SEPTIN6: variants seen among roughly 807,000 people sequenced by gnomAD.
The protein encoded by SEPTIN6 is septin-6.
A neutral mutation model predicts 33.6 loss-of-function variants in SEPTIN6; 8 were observed. The ratio of observed to expected loss-of-function variants is 0.24; its 90% CI spans 0.14 to 0.43. The LOEUF (loss-of-function observed/expected upper bound fraction) is 0.43, where lower values mean the gene tolerates loss of function less well. SEPTIN6 is among the 20% of genes least tolerant of loss of function. The pLI, the probability that SEPTIN6 is intolerant of heterozygous loss-of-function variation, is 1.00. For missense variants in SEPTIN6, 250 were observed against 340.8 expected, an observed-to-expected ratio of 0.73 and a Z score of 2.10; for synonymous variants, 131 against 140.0, an observed-to-expected ratio of 0.94 and a Z score of 0.45.
chrX:119,648,197 T>C (rs2054298811), intron 5 of SEPTIN6, among the ~76,000 whole-genome samples: 2 of 110,024 alleles, frequency 1.8e-5, no homozygotes, highest in Admixed American at 1.9e-4. Flanking sequence ...AGGATGATTA[T>C]CACTCCTAAT....
chrX:119,616,327 T>TA (rs758188727), downstream of SEPTIN6: 505 of 317,031 alleles, frequency 1.6e-3, 1 homozygote, highest in African/African-American at 0.012. Context: ...GAGAAATGTT[T>TA]AAAAGAAAAA....
chrX:119,650,377 G>A (rs2054331478), intron 4 of SEPTIN6, among the ~76,000 whole-genome samples: 1 of 112,331 alleles, frequency 8.9e-6, no homozygotes, highest in South Asian at 3.6e-4. Context: ...TTAAGGCATA[G>A]GGAGGTTAAG....
intron 5 of SEPTIN6, among the ~76,000 whole-genome samples, chrX:119,642,098 T>TGAACCA (rs2054166445): frequency 9.4e-6 from 1 of 106,149 alleles, no homozygotes; most frequent in Admixed American, 1.0e-4. Flanking sequence ...AGATCAGGGT[T>TGAACCA]GTACCAGAAG....
intron 5 of SEPTIN6, among the ~76,000 whole-genome samples, chrX:119,644,525 G>A (rs2054210772): frequency 8.9e-6 from 1 of 111,734 alleles, no homozygotes; most frequent in African/African-American, 3.3e-5. Flanking sequence ...AGAAGGACAA[G>A]CTAGCCCAAC....
intron 2 of SEPTIN6, among the ~76,000 whole-genome samples, chrX:119,670,862 C>T (rs59603955): frequency 2.8e-5 from 3 of 106,935 alleles, no homozygotes; most frequent in East Asian, 3.0e-4. Context: ...TGCTTGAACC[C>T]GGGAGGTGGA....
rs367626102 is a variant in SEPTIN6 at position 119,658,071 on chromosome X, A to G, written c.342-5031T>C. Among the ~76,000 whole-genome samples, 553 of 111,815 alleles carry G rather than the reference A, an allele frequency of 4.9e-3. 3 individuals carry two copies. The highest frequency in any genetic ancestry group is 0.018 in the East Asian group (65 of 3,522). On this transcript the variant is annotated intron_variant, in intron 3 of 10. Transcript: ENST00000394610. Reference sequence around the variant, plus strand: ...GAACCCGGGAGGCGGAGCTTGCAGTAAGCCGAGATAGCGCCACTGCACTCC... The same window carrying G: ...GAACCCGGGAGGCGGAGCTTGCAGTGAGCCGAGATAGCGCCACTGCACTCC...
chrX:119,665,457 G>A (rs963426222), intron 2 of SEPTIN6, among the ~76,000 whole-genome samples: 1 of 111,874 alleles, frequency 8.9e-6, no homozygotes, highest in Non-Finnish European at 1.9e-5. Context: ...CTACTAGGCT[G>A]CGAGATACTA....
intron 6 of SEPTIN6, among the ~76,000 whole-genome samples, chrX:119,638,603 T>A (rs997219776): frequency 4.5e-5 from 5 of 111,740 alleles, no homozygotes; most frequent in African/African-American, 1.6e-4. Flanking sequence ...CTTGTGGTCA[T>A]TAATCTTTCC....
Position 119,618,346 on chromosome X carries a change from C to T in SEPTIN6, c.*1747G>A, listed in dbSNP as rs751573949. 2.8e-5 allele frequency: 23 copies of T among 815,531 alleles called. No individual in the cohort carries two copies. In the South Asian group the frequency reaches 1.3e-3, roughly 46 times the overall value. The allele number at this position is 815,531 out of a possible 1,213,427, so 67.2% of individuals were successfully genotyped here. On this transcript the variant is annotated 3_prime_UTR_variant, in exon 11 of 11. Transcript: ENST00000394610. Reference sequence around the variant, plus strand: ...AGAGCACCAAACCTACACAGCAAACCTATATTCTTGCTTTGTCAACAAGAA... The same window carrying T: ...AGAGCACCAAACCTACACAGCAAACTTATATTCTTGCTTTGTCAACAAGAA...
chrX:119,675,613 G>A lies in SEPTIN6; in HGVS notation c.86C>T (p.Pro29Leu). 8.5e-7 allele frequency: 1 copy of A among 1,170,552 alleles called. No homozygotes were observed. Among genetic ancestry groups the A allele is most frequent in the Non-Finnish European group, 1.1e-6 (1 of 871,365 alleles). ...LAGHVGFDSL[P>L]DQLVNKSVSQ... ...GACGGACTTATTCACCAGCTGGTCAGGCAAGCTGTCAAACCCCACATGTCC... is the reference window on the plus strand; with the variant it reads ...GACGGACTTATTCACCAGCTGGTCAAGCAAGCTGTCAAACCCCACATGTCC... Residue 29 changes from proline (P) to leucine (L), a missense_variant, in exon 2 of 11, where the codon CCT (proline) becomes CTT (leucine). Physicochemically the swap from Pro to Leu is moderately conservative, Grantham distance 98. Around this residue, in one of 2 missense-constraint regions of SEPTIN6, gnomAD observed 111 missense variants for 113.8 expected, o/e 0.98. Coordinates refer to ENST00000394610, the MANE Select transcript of SEPTIN6 (RefSeq NM_145799.4).
intron 2 of SEPTIN6, among the ~76,000 whole-genome samples, chrX:119,666,425 T>C (rs1327287331): frequency 8.9e-6 from 1 of 112,274 alleles, no homozygotes; most frequent in African/African-American, 3.2e-5. Flanking sequence ...CTAGCCTGCT[T>C]CTTTTATCCC....
At chrX:119,641,139 G>GA (rs1427784052) in intron 5 of SEPTIN6, among the ~76,000 whole-genome samples, 1 of 111,876 alleles carries the variant, frequency 8.9e-6, no homozygotes, top group African/African-American at 3.3e-5. Flanking sequence ...AGGGGAAGTG[G>GA]AATGAGGGGG....
intron 1 of SEPTIN6, among the ~76,000 whole-genome samples, chrX:119,677,715 C>A (rs897926350): frequency 8.9e-6 from 1 of 112,371 alleles, no homozygotes; most frequent in Non-Finnish European, 1.9e-5. Context: ...TTGTCAGAAC[C>A]GGCTCCCAGA....
chrX:119,678,494 G>C (rs1186413938), intron 1 of SEPTIN6, among the ~76,000 whole-genome samples: 1 of 108,417 alleles, frequency 9.2e-6, no homozygotes, highest in African/African-American at 3.4e-5. Flanking sequence ...CACCCAGCCT[G>C]GGCGACAGAG....
intron 1 of SEPTIN6, among the ~76,000 whole-genome samples, chrX:119,680,022 G>A (rs747027461): frequency 8.1e-5 from 9 of 111,036 alleles, no homozygotes; most frequent in Middle Eastern, 4.7e-3. Context: ...TAATGGGGAC[G>A]ATGAGGAGAC....
chrX:119,688,056 G>A (rs771713373), intron 1 of SEPTIN6, among the ~76,000 whole-genome samples: 5 of 112,356 alleles, frequency 4.5e-5, no homozygotes, highest in Non-Finnish European at 9.4e-5. Flanking sequence ...CACCTGGCAC[G>A]GGGCCTGGCC....
At chrX:119,657,579 C>G (rs73602341) in intron 3 of SEPTIN6, among the ~76,000 whole-genome samples, 2,099 of 111,550 alleles carry the variant, frequency 0.019, 51 homozygotes, top group East Asian at 0.15. Context: ...ATGGCATGAT[C>G]ATAGCTCACT....
chrX:119,624,115 CTCT>C (rs1311401998), intron 10 of SEPTIN6: 2 of 272,946 alleles, frequency 7.3e-6, no homozygotes, highest in Non-Finnish European at 1.4e-5. Context: ...TTTCTAAGAT[CTCT>C]TCATTTTCCT....
chrX:119,617,245 T>C lies in SEPTIN6; in HGVS notation c.*2848A>G, dbSNP rs1312089809. ...AGAAGTAAACAGAGTACTTAGGGTA[T>C]TTTTTTTTTAAATAGTAACAGTTGT... On this transcript the variant is annotated 3_prime_UTR_variant, in exon 11 of 11. Coordinates refer to ENST00000394610, the MANE Select transcript of SEPTIN6 (RefSeq NM_145799.4). 5.8e-6 allele frequency: 4 copies of C among 687,691 alleles called. No individual in the cohort carries two copies. Among genetic ancestry groups the C allele is most frequent in the Non-Finnish European group, 7.0e-6 (4 of 572,100 alleles). 56.7% of individuals were successfully genotyped at this position (687,691 alleles called of 1,213,427 possible).
Sources: gnomAD v4.1 joint callset for allele counts (sites outside exome capture counted in the v4.1 genomes callset) on GRCh38, gnomAD v4.1.1 for gene constraint, gnomAD v4.1.1 regional missense constraint, MANE v1.5 for transcripts, NCBI Gene and HGNC (gene_info 2026-07-23, HGNC 2026-07-21) for gene names.